The following PPP1R9A variants were observed in gnomAD, a reference collection of about 807,000 sequenced individuals.
PPP1R9A encodes neurabin-1.
In PPP1R9A, 59 loss-of-function variants were observed where a neutral mutation model predicts 141.9. That is an observed-to-expected ratio of 0.42 (90% CI 0.34 to 0.52). The LOEUF (loss-of-function observed/expected upper bound fraction) is 0.52, where lower values mean the gene tolerates loss of function less well. PPP1R9A is among the 20% of genes least tolerant of loss of function. The probability of loss-of-function intolerance (pLI) is 0.10; values close to 1 mark genes in which losing one functional copy is unlikely to be tolerated. For synonymous variants in PPP1R9A, 500 were observed against 569.7 expected (o/e 0.88, Z 1.74); for missense variants, 1,444 against 1,611.9 (o/e 0.90, Z 1.78).
chr7:95,236,054 G>A (rs1796633606), intron 8 of PPP1R9A, among the ~76,000 whole-genome samples: 1 of 152,146 alleles, frequency 6.6e-6, no homozygotes. Flanking sequence ...CTGCTCAGGT[G>A]ATGGGTTTAC....
chr7:94,958,653 G>A (rs1472411395), intron 2 of PPP1R9A, among the ~76,000 whole-genome samples: 1 of 151,978 alleles, frequency 6.6e-6, no homozygotes, highest in Admixed American at 6.6e-5. Context: ...GGTAAATACA[G>A]TTTCATTAAG....
intron 2 of PPP1R9A, among the ~76,000 whole-genome samples, chr7:95,092,854 T>C (rs2152347839): frequency 6.6e-6 from 1 of 152,346 alleles, no homozygotes; most frequent in South Asian, 2.1e-4. Context: ...AGACCTATAA[T>C]TTGGAAGAGG....
chr7:95,133,961 G>T lies in PPP1R9A; in HGVS notation c.1649+13129G>T, dbSNP rs552489478. On this transcript the variant is annotated intron_variant, in intron 4 of 19. Coordinates refer to ENST00000433360, the MANE Select transcript of PPP1R9A (RefSeq NM_001166160.2). ...AGCCTCCCAAAGTTCTGGGGTTAAGGCATGAGCCACAACACTCGGCCCTAG... is the reference window on the plus strand; with the variant it reads ...AGCCTCCCAAAGTTCTGGGGTTAAGTCATGAGCCACAACACTCGGCCCTAG... Among the ~76,000 whole-genome samples, 3 of 152,166 alleles carry T rather than the reference G, an allele frequency of 2.0e-5. No homozygotes were observed. The East Asian group carries it at 5.8e-4, about 29-fold the overall frequency.
At chr7:95,001,308 C>T (rs1310371767) in intron 2 of PPP1R9A, among the ~76,000 whole-genome samples, 1 of 152,122 alleles carries the variant, frequency 6.6e-6, no homozygotes, top group East Asian at 1.9e-4. Flanking sequence ...AAACAAACAA[C>T]AATAGCAAAA....
chr7:95,019,984 CTG>C (rs1023886552), intron 2 of PPP1R9A, among the ~76,000 whole-genome samples: 8 of 152,100 alleles, frequency 5.3e-5, no homozygotes, highest in Admixed American at 4.6e-4. Flanking sequence ...GAGAAACAAA[CTG>C]TATCATACCC....
intron 5 of PPP1R9A, among the ~76,000 whole-genome samples, chr7:95,162,661 A>C (rs962346892): frequency 1.3e-5 from 2 of 152,224 alleles, no homozygotes; most frequent in African/African-American, 4.8e-5. Flanking sequence ...TTGTGTAAGA[A>C]ACATTAAGGA....
intron 5 of PPP1R9A, among the ~76,000 whole-genome samples, chr7:95,168,848 C>T (rs747989930): frequency 6.6e-6 from 1 of 151,928 alleles, no homozygotes; most frequent in African/African-American, 2.4e-5. Context: ...CCGCTTACCC[C>T]AATTAGAATG....
chr7:95,203,102 T>C (rs974096956), intron 6 of PPP1R9A, among the ~76,000 whole-genome samples: 20 of 152,110 alleles, frequency 1.3e-4, no homozygotes, highest in African/African-American at 4.8e-4. Flanking sequence ...ATTTAATCTT[T>C]CTTTCATAAT....
At chr7:94,995,068 G>A (rs10236497) in intron 2 of PPP1R9A, among the ~76,000 whole-genome samples, 1 of 152,020 alleles carries the variant, frequency 6.6e-6, no homozygotes, top group Non-Finnish European at 1.5e-5. Context: ...CTGAAAAAAA[G>A]TATTTTTCTT....
intron 2 of PPP1R9A, among the ~76,000 whole-genome samples, chr7:95,103,610 C>T (rs373897112): frequency 3.3e-5 from 5 of 152,018 alleles, no homozygotes; most frequent in East Asian, 3.9e-4. Flanking sequence ...CCTGGTGATC[C>T]GCCTGCCTCG....
chr7:95,073,160 A>AT (rs1263807744), intron 2 of PPP1R9A, among the ~76,000 whole-genome samples: 3 of 149,878 alleles, frequency 2.0e-5, no homozygotes, highest in East Asian at 3.9e-4. Context: ...TAATTTTTGT[A>AT]TTTTTTGTAG....
Position 95,025,892 on chromosome 7 carries a change from C to T in PPP1R9A, c.1396-85367C>T, listed in dbSNP as rs149880435. Among the ~76,000 whole-genome samples, 607 of 152,254 alleles carry T rather than the reference C, an allele frequency of 4.0e-3. 3 individuals are homozygous for T. The highest frequency in any genetic ancestry group is 0.024 in the South Asian group (114 of 4,824). ...GCTATTGATACTTGTGTATAATTCACGAAGTTCTTGGGCTTTGCTTTTCAG... is the reference window on the plus strand; with the variant it reads ...GCTATTGATACTTGTGTATAATTCATGAAGTTCTTGGGCTTTGCTTTTCAG... On this transcript the variant is annotated intron_variant, in intron 2 of 19. Transcript: ENST00000433360.
At chr7:95,104,136 GGGTTA>G (rs1266509426) in intron 2 of PPP1R9A, among the ~76,000 whole-genome samples, 5 of 152,190 alleles carry the variant, frequency 3.3e-5, no homozygotes, top group African/African-American at 1.2e-4. Flanking sequence ...GAAGATACAG[GGGTTA>G]GCCTTAGAAA....
chr7:95,255,458 C>T (rs983480143), intron 12 of PPP1R9A, among the ~76,000 whole-genome samples: 1 of 152,066 alleles, frequency 6.6e-6, no homozygotes, highest in African/African-American at 2.4e-5. Flanking sequence ...GACTATTCTA[C>T]CGTGAGAGAT....
intron 2 of PPP1R9A, among the ~76,000 whole-genome samples, chr7:95,102,323 T>C (rs2152405606): frequency 6.6e-6 from 1 of 152,316 alleles, no homozygotes; most frequent in South Asian, 2.1e-4. Flanking sequence ...AAGCCACAAC[T>C]TAGAATTCAT....
chr7:95,135,546 T>G (rs1825495398), intron 4 of PPP1R9A, among the ~76,000 whole-genome samples: 1 of 152,194 alleles, frequency 6.6e-6, no homozygotes. Context: ...ATTATCACCT[T>G]AGTTTTCGTT....
At chr7:94,907,276 G>A (rs1434828724), upstream of PPP1R9A, 1 of 152,332 alleles carries the variant, frequency 6.6e-6, no homozygotes, top group East Asian at 1.9e-4. Context: ...AAAGGTAGAA[G>A]ACCTCCTCAT....
chr7:94,925,928 G>T (rs1793426691), intron 2 of PPP1R9A, among the ~76,000 whole-genome samples: 1 of 151,996 alleles, frequency 6.6e-6, no homozygotes, highest in Admixed American at 6.6e-5. Context: ...TGGGCTCAAG[G>T]GATTCTCCTG....
intron 5 of PPP1R9A, among the ~76,000 whole-genome samples, chr7:95,185,286 A>T (rs1290396374): frequency 6.6e-6 from 1 of 151,892 alleles, no homozygotes; most frequent in Non-Finnish European, 1.5e-5. Context: ...ATCATTAGTG[A>T]TGTTGAGCAT....
Sources: allele counts gnomAD v4.1 joint callset (sites outside exome capture counted in the v4.1 genomes callset), GRCh38; gene constraint gnomAD v4.1.1; transcripts MANE v1.5; gene names NCBI Gene and HGNC (gene_info 2026-07-23, HGNC 2026-07-21).